Variants in ZNF701 observed in about 807,000 individuals in gnomAD.
The protein encoded by ZNF701 is zinc finger protein 701.
Under a neutral mutation model 7.1 loss-of-function variants are expected in ZNF701, and 6 were observed. The ratio of observed to expected loss-of-function variants is 0.84; its 90% CI spans 0.46 to 1.66. ZNF701 has a LOEUF of 1.66. ZNF701 is among the 40% of genes most tolerant of loss of function. The probability of loss-of-function intolerance (pLI) is 0.01; values close to 1 mark genes in which losing one functional copy is unlikely to be tolerated. For synonymous variants in ZNF701, 166 were observed against 188.2 expected, an observed-to-expected ratio of 0.88 and a Z score of 0.97; for missense variants, 541 against 559.2, an observed-to-expected ratio of 0.97 and a Z score of 0.33.
rs536479192 is a variant in ZNF701, at chr19:52,571,464, C to G, written c.-72+1134C>G. On this transcript the variant is annotated intron_variant, in intron 1 of 3. Coordinates refer to ENST00000391785, the MANE Select transcript of ZNF701 (RefSeq NM_018260.3). The stretch of plus-strand genomic sequence containing the variant: ...GAAATATATGGAGATTGAGGACGAT[C>G]GAAGAATTGGGGAGAAGGAGCAACA... Among the ~76,000 whole-genome samples, 164 of 152,122 alleles carry G rather than the reference C, an allele frequency of 1.1e-3. No homozygotes were observed. In the South Asian group the frequency reaches 0.015, roughly 14 times the overall value.
intron 3 of ZNF701, among the ~76,000 whole-genome samples, chr19:52,577,075 C>G (rs144113163): frequency 6.6e-6 from 1 of 152,092 alleles, no homozygotes; most frequent in Non-Finnish European, 1.5e-5. Context: ...TTCTTTGCCC[C>G]CACTTATCCC....
At chr19:52,595,173 G>A in the ZNF701 span, among the ~76,000 whole-genome samples, 1 of 152,000 alleles carries the variant, frequency 6.6e-6, no homozygotes, top group Non-Finnish European at 1.5e-5. Flanking sequence ...GTAGAGATAA[G>A]GTGTTCTTAA....
At chr19:52,577,868 A>G (rs948955469) in intron 3 of ZNF701, among the ~76,000 whole-genome samples, 2 of 152,020 alleles carry the variant, frequency 1.3e-5, no homozygotes, top group Admixed American at 6.6e-5. Context: ...CTCCTTGTCT[A>G]CTTTCATGCT....
chr19:52,582,533 G>A lies in ZNF701; in HGVS notation c.474G>A (p.Gly158=), dbSNP rs201886645. 16 of 1,614,130 alleles carry A rather than the reference G, an allele frequency of 9.9e-6. No homozygotes were observed. The South Asian group carries it at 1.2e-4, about 12-fold the overall frequency. ...AAGTGCACATATTTCACCCCGAAGG[G>A]AAAATTGGTAATCAAGTTGAGAAGG... is the stretch of plus-strand genomic sequence containing the variant. ...LPEVHIFHPE[G]KIGNQVEKAI... is the part of the protein sequence containing the mutation. The change falls in exon 4 of 4, where the codon GGG becomes GGA. Residue 158 remains glycine (G), a synonymous_variant. Transcript: ENST00000391785.
chr19:52,594,615 GCGATTCTCCTGCTTCAAC>G, the ZNF701 span, among the ~76,000 whole-genome samples: 1 of 151,974 alleles, frequency 6.6e-6, no homozygotes, highest in African/African-American at 2.4e-5. Flanking sequence ...CCAGGTTCAA[GCGATTCTCCTGCTTCAAC>G]CTGCCTAGCA....
At chr19:52,589,941 G>A (rs761596250), downstream of ZNF701, among the ~76,000 whole-genome samples, 10 of 151,802 alleles carry the variant, frequency 6.6e-5, no homozygotes, top group Admixed American at 2.0e-4. Context: ...TTACAAGTGC[G>A]CACCACTACA....
chr19:52,572,925 T>C (rs2059910324), intron 1 of ZNF701, among the ~76,000 whole-genome samples: 1 of 152,184 alleles, frequency 6.6e-6, no homozygotes, highest in Non-Finnish European at 1.5e-5. Flanking sequence ...CTCTAAATGC[T>C]CACAGCACTG....
At chr19:52,576,495 A>G (rs760557986) in intron 3 of ZNF701, among the ~76,000 whole-genome samples, 1 of 152,120 alleles carries the variant, frequency 6.6e-6, no homozygotes, top group Non-Finnish European at 1.5e-5. Flanking sequence ...GACTGAGAAC[A>G]CACCACTGGA....
chr19:52,590,084 G>A (rs2060030927), downstream of ZNF701, among the ~76,000 whole-genome samples: 2 of 143,588 alleles, frequency 1.4e-5, no homozygotes, highest in Non-Finnish European at 1.5e-5. Flanking sequence ...ATGAGCCACC[G>A]TGCCTGGCCT....
At chr19:52,572,638 C>T (rs1326696682) in intron 1 of ZNF701, 3 of 347,872 alleles carry the variant, frequency 8.6e-6, no homozygotes, top group South Asian at 4.4e-5. Context: ...TGAAAATGTC[C>T]CCGTTCTGAG....
chr19:52,598,901 C>G, the ZNF701 span: 1 of 152,050 alleles, frequency 6.6e-6, no homozygotes, highest in African/African-American at 2.4e-5. Context: ...AAAAGCTAGA[C>G]CCTGTCTCAA....
chr19:52,571,712 A>G (rs927192842), intron 1 of ZNF701, among the ~76,000 whole-genome samples: 4 of 150,330 alleles, frequency 2.7e-5, no homozygotes, highest in Admixed American at 1.3e-4. Context: ...TCTACAGCTG[A>G]CCCTCTTTCC....
At position 52,584,638 on chromosome 19, in the gene ZNF701, TCA is replaced by T. The variant is rs1019329337; in HGVS notation, c.*1182_*1183del. On this transcript the variant is annotated 3_prime_UTR_variant, in exon 4 of 4. Transcript: ENST00000391785. ...TTGTAGATTTCAAGGTGTGAAATTC[TCA>T]GTTTTTTTATGTTTATTCCTAAGTA... 8 of 152,238 alleles carry T rather than the reference TCA, an allele frequency of 5.3e-5. No individual in the cohort carries two copies. Among genetic ancestry groups the T allele is most frequent in the Non-Finnish European group, 1.0e-4 (7 of 68,044 alleles). 9.4% of individuals were successfully genotyped at this position (152,238 alleles called of 1,614,324 possible).
the ZNF701 span, among the ~76,000 whole-genome samples, chr19:52,598,297 A>C: frequency 1.3e-5 from 2 of 152,194 alleles, no homozygotes; most frequent in Non-Finnish European, 2.9e-5. Context: ...GTGTTGGGCC[A>C]CCTGTACTGA....
chr19:52,591,115 G>A (rs757985503), downstream of ZNF701, among the ~76,000 whole-genome samples: 20 of 152,038 alleles, frequency 1.3e-4, no homozygotes, highest in Non-Finnish European at 2.6e-4. Flanking sequence ...TGGGATTATA[G>A]GTGTGAGCCA....
chr19:52,571,996 T>G (rs571736276), intron 1 of ZNF701, among the ~76,000 whole-genome samples: 1 of 152,180 alleles, frequency 6.6e-6, no homozygotes, highest in Non-Finnish European at 1.5e-5. Context: ...GCTAATTTTG[T>G]ATTTTTAGTA....
At chr19:52,590,464 A>G (rs1228792757), downstream of ZNF701, among the ~76,000 whole-genome samples, 1 of 152,126 alleles carries the variant, frequency 6.6e-6, no homozygotes, top group Non-Finnish European at 1.5e-5. Flanking sequence ...CTACTTAGTT[A>G]CTGTATGTTT....
chr19:52,595,236 T>C, the ZNF701 span, among the ~76,000 whole-genome samples: 34 of 151,656 alleles, frequency 2.2e-4, no homozygotes, highest in African/African-American at 7.7e-4. Context: ...TTTTGTGTAA[T>C]ATTTACACAT....
At chr19:52,598,436 G>A in the ZNF701 span, among the ~76,000 whole-genome samples, 16 of 152,116 alleles carry the variant, frequency 1.1e-4, no homozygotes, top group Non-Finnish European at 1.9e-4. Flanking sequence ...GGGGGAGAGG[G>A]GCAGGGACCT....
Sources: gnomAD v4.1 joint callset for allele counts (sites outside exome capture counted in the v4.1 genomes callset) on GRCh38, gnomAD v4.1.1 for gene constraint, MANE v1.5 for transcripts, NCBI Gene and HGNC (gene_info 2026-07-23, HGNC 2026-07-21) for gene names.